The following BABAM2 variants were observed in gnomAD, a reference collection of about 807,000 sequenced individuals.
The protein encoded by BABAM2 is BRISC and BRCA1-A complex member 2.
A neutral mutation model predicts 54.7 loss-of-function variants in BABAM2; 31 were observed. The observed-to-expected ratio is 0.57, with a 90% CI of 0.43 to 0.77. The LOEUF is 0.77. Among genes scored for constraint, BABAM2 ranks in the 30% least tolerant of loss-of-function variants. BABAM2 has a pLI of 0.00. For synonymous variants in BABAM2, 167 were observed against 162.9 expected (o/e 1.03, Z -0.19); for missense variants, 364 against 455.8 (o/e 0.80, Z 1.83).
At chr2:28,174,566 G>T (rs958841890) in intron 7 of BABAM2, among the ~76,000 whole-genome samples, 7 of 148,486 alleles carry the variant, frequency 4.7e-5, no homozygotes, top group Non-Finnish European at 7.5e-5. Context: ...GCCCTGAGAG[G>T]CTCCTCAGTG....
At chr2:28,039,785 G>A (rs1676928035) in intron 5 of BABAM2, among the ~76,000 whole-genome samples, 1 of 152,178 alleles carries the variant, frequency 6.6e-6, no homozygotes, top group African/African-American at 2.4e-5. Context: ...AGTCTTGTTA[G>A]TTTAAGTTGC....
rs182241689 is a variant in BABAM2 at position 28,263,690 on chromosome 2, A to G, written c.934+18828A>G. On this transcript the variant is annotated intron_variant, in intron 10 of 11. Transcript: ENST00000379624. ...CTGTACTGTCTCTTCTGTAACATCT[A>G]CCAGACCCTACACATGTCTATGGTC... Among the ~76,000 whole-genome samples, 14 of 152,322 alleles carry G rather than the reference A, an allele frequency of 9.2e-5. No homozygotes were observed. In the East Asian group the frequency reaches 2.1e-3, roughly 23 times the overall value.
At chr2:27,912,667 G>T (rs111398429) in intron 2 of BABAM2, among the ~76,000 whole-genome samples, 18 of 152,252 alleles carry the variant, frequency 1.2e-4, no homozygotes, top group African/African-American at 4.1e-4. Flanking sequence ...ACCTTTAGAA[G>T]TTCCAAAGGA....
intron 6 of BABAM2, among the ~76,000 whole-genome samples, chr2:28,055,148 A>C (rs1678299893): frequency 6.6e-6 from 1 of 152,182 alleles, no homozygotes; most frequent in Non-Finnish European, 1.5e-5. Context: ...TATCCTAAGG[A>C]AACTAACACA....
chr2:28,328,151 C>T (rs1003029441), intron 11 of BABAM2, among the ~76,000 whole-genome samples: 4 of 152,152 alleles, frequency 2.6e-5, no homozygotes, highest in East Asian at 1.9e-4. Flanking sequence ...CCCTTTGACA[C>T]GAGGCCCTTT....
chr2:28,210,884 A>G (rs1679386050), intron 7 of BABAM2, among the ~76,000 whole-genome samples: 2 of 152,234 alleles, frequency 1.3e-5, no homozygotes, highest in African/African-American at 4.8e-5. Flanking sequence ...CATTTTAAAC[A>G]TTTGAGGAGA....
At chr2:28,075,051 C>T (rs1184008597) in intron 6 of BABAM2, among the ~76,000 whole-genome samples, 3 of 152,098 alleles carry the variant, frequency 2.0e-5, no homozygotes, top group Non-Finnish European at 4.4e-5. Flanking sequence ...TTTCAGTTCA[C>T]GGACCCTTGG....
chr2:27,949,051 C>T (rs146998781), intron 3 of BABAM2, among the ~76,000 whole-genome samples: 12 of 152,262 alleles, frequency 7.9e-5, no homozygotes, highest in African/African-American at 2.9e-4. Context: ...CTGCCTACCC[C>T]AGCCTGCTGC....
chr2:28,264,375 A>G (rs1684799940), intron 10 of BABAM2, among the ~76,000 whole-genome samples: 1 of 152,210 alleles, frequency 6.6e-6, no homozygotes, highest in African/African-American at 2.4e-5. Flanking sequence ...TGGCTAAGCT[A>G]ATATTTCTCA....
intron 10 of BABAM2, 74 bp from the exon 11 acceptor site, chr2:28,298,264 G>T: frequency 2.0e-6 from 3 of 1,490,700 alleles, no homozygotes; most frequent in Admixed American, 2.0e-5. Context: ...CCTAACATTC[G>T]GATTTAGTCA....
intron 11 of BABAM2, among the ~76,000 whole-genome samples, chr2:28,328,305 G>T (rs915166816): frequency 1.3e-5 from 2 of 152,174 alleles, no homozygotes; most frequent in Non-Finnish European, 2.9e-5. Context: ...ACCACAATCG[G>T]TTTTCATATG....
chr2:28,187,531 A>C lies in BABAM2; in HGVS notation c.681-49671A>C, dbSNP rs4493212. 1.2e-4 allele frequency among the ~76,000 whole-genome samples: 19 copies of C among 152,104 alleles called. No individual in the cohort carries two copies. In the East Asian group the frequency reaches 3.7e-3, roughly 29 times the overall value. ...GGATTCTTTGTGCTTTGAGTCTTTC[A>C]GTGTAAAATTTATATATCTATCTGA... On this transcript the variant is annotated intron_variant, in intron 7 of 11. Coordinates refer to ENST00000379624, the MANE Select transcript of BABAM2 (RefSeq NM_199191.3).
intron 2 of BABAM2, among the ~76,000 whole-genome samples, chr2:27,919,877 A>G (rs1262011935): frequency 1.3e-5 from 2 of 152,208 alleles, no homozygotes; most frequent in Non-Finnish European, 2.9e-5. Context: ...ATAAATGGAG[A>G]TATGGCATAG....
At chr2:28,011,140 T>C (rs970275821) in intron 4 of BABAM2, among the ~76,000 whole-genome samples, 3 of 152,174 alleles carry the variant, frequency 2.0e-5, no homozygotes, top group Non-Finnish European at 4.4e-5. Context: ...AAATTTGGTT[T>C]GGTGTTATCA....
chr2:28,033,317 C>G (rs115606481), intron 5 of BABAM2, among the ~76,000 whole-genome samples: 1 of 151,896 alleles, frequency 6.6e-6, no homozygotes, highest in Non-Finnish European at 1.5e-5. Flanking sequence ...GTGTCTTAGT[C>G]CATTTTCTGT....
chr2:28,254,256 C>G (rs751107965), intron 10 of BABAM2, among the ~76,000 whole-genome samples: 1 of 152,156 alleles, frequency 6.6e-6, no homozygotes, highest in Non-Finnish European at 1.5e-5. Context: ...CCTGCCCCAG[C>G]CTCCCAAGTA....
intron 6 of BABAM2, among the ~76,000 whole-genome samples, chr2:28,077,988 C>T (rs1231196061): frequency 6.6e-6 from 1 of 152,112 alleles, no homozygotes; most frequent in African/African-American, 2.4e-5. Context: ...TCTGGGATTT[C>T]AGTTACCTGG....
At chr2:28,125,517 T>C (rs1669446432) in intron 6 of BABAM2, among the ~76,000 whole-genome samples, 1 of 152,126 alleles carries the variant, frequency 6.6e-6, no homozygotes, top group African/African-American at 2.4e-5. Context: ...GGTCTTGAAC[T>C]CCTGACCTCA....
intron 5 of BABAM2, among the ~76,000 whole-genome samples, chr2:28,043,397 G>A (rs2148606582): frequency 6.6e-6 from 1 of 152,216 alleles, no homozygotes; most frequent in Non-Finnish European, 1.5e-5. Flanking sequence ...GCAAAGTGCT[G>A]GTATTACAGG....
Sources: gnomAD v4.1 joint callset for allele counts (sites outside exome capture counted in the v4.1 genomes callset) on GRCh38, gnomAD v4.1.1 for gene constraint, MANE v1.5 for transcripts, NCBI Gene and HGNC (gene_info 2026-07-23, HGNC 2026-07-21) for gene names.